Variants in TSPAN9 observed in about 807,000 individuals in gnomAD.
The protein encoded by TSPAN9 is tetraspanin 9.
Under a neutral mutation model 31.0 loss-of-function variants are expected in TSPAN9, and 16 were observed. The observed-to-expected ratio is 0.52, with a 90% CI of 0.35 to 0.78. TSPAN9 has a LOEUF of 0.78. TSPAN9 is among the 30% of genes least tolerant of loss of function. The pLI is 0.01. For synonymous variants in TSPAN9, 145 were observed against 121.6 expected (o/e 1.19, Z -1.27); for missense variants, 272 against 312.5 (o/e 0.87, Z 0.98).
chr12:3,200,772 G>A (rs1011064872), intron 2 of TSPAN9: 3 of 154,508 alleles, frequency 1.9e-5, no homozygotes, highest in Non-Finnish European at 4.3e-5. Flanking sequence ...TGGGCGCGGG[G>A]TTCGGCCGCG....
intron 8 of TSPAN9, 30 bp from the exon 9 acceptor site, chr12:3,283,015 C>T (rs1408947651): frequency 5.6e-6 from 9 of 1,604,458 alleles, no homozygotes; most frequent in Non-Finnish European, 7.6e-6. Context: ...GCTGCAGCTC[C>T]TGCCTCAGGC....
intron 1 of TSPAN9, among the ~76,000 whole-genome samples, chr12:3,078,230 G>A (rs1422557048): frequency 6.6e-6 from 1 of 152,070 alleles, no homozygotes; most frequent in Non-Finnish European, 1.5e-5. Context: ...CCAAAACGGG[G>A]GGTAAGAAGG....
chr12:3,095,324 C>T (rs1374189671), intron 2 of TSPAN9, among the ~76,000 whole-genome samples: 1 of 149,916 alleles, frequency 6.7e-6, no homozygotes, highest in Non-Finnish European at 1.5e-5. Flanking sequence ...CCCACCTTTC[C>T]CGCCTTTCTA....
chr12:3,180,544 C>T (rs1179960355), intron 2 of TSPAN9, among the ~76,000 whole-genome samples: 1 of 151,742 alleles, frequency 6.6e-6, no homozygotes, highest in East Asian at 1.9e-4. Context: ...GGGTCACAGC[C>T]TGCAGTTTGA....
intron 2 of TSPAN9, among the ~76,000 whole-genome samples, chr12:3,135,224 C>G (rs1354256104): frequency 6.6e-6 from 1 of 152,162 alleles, no homozygotes; most frequent in Non-Finnish European, 1.5e-5. Context: ...GCTGGTACCA[C>G]TGATGCACTC....
chr12:3,114,646 C>T (rs2098321206), intron 2 of TSPAN9, among the ~76,000 whole-genome samples: 1 of 151,984 alleles, frequency 6.6e-6, no homozygotes, highest in Non-Finnish European at 1.5e-5. Context: ...AGTTCGAGAC[C>T]AGCCTGGCCA....
intron 2 of TSPAN9, among the ~76,000 whole-genome samples, chr12:3,176,325 G>A (rs922040953): frequency 2.6e-5 from 4 of 152,180 alleles, no homozygotes; most frequent in African/African-American, 4.8e-5. Flanking sequence ...AGCCTTCATG[G>A]AGAAAACTGA....
Position 3,125,475 on chromosome 12 carries a change from T to C in TSPAN9, c.-18+41756T>C, listed in dbSNP as rs7299113. 1.5e-3 allele frequency among the ~76,000 whole-genome samples: 230 copies of C among 152,324 alleles called. 1 individual carries two copies. The highest frequency in any genetic ancestry group is 5.3e-3 in the African/African-American group (220 of 41,580). On this transcript the variant is annotated intron_variant, in intron 2 of 8. Transcript: ENST00000011898. ...CCCGCAGTTTTCTCCCTTAATTGGA[T>C]GTAAATTTACAACTAAATAATTATT...
chr12:3,279,042 C>G lies in TSPAN9; in HGVS notation c.306C>G (p.Ile102Met). ...VILLAELILL[I>M]LFFVYMDKVN... ...TCCTAGCAGAGCTGATCTTACTCAT[C>G]CTCTTCTTTGTCTACATGGACAAGG... Residue 102 changes from isoleucine to methionine, a missense_variant, in exon 5 of 9, where the codon ATC becomes ATG. Ile to Met is a conservative substitution (Grantham distance 10). Transcript: ENST00000011898. 1 of 1,614,202 alleles carries G rather than the reference C, an allele frequency of 6.2e-7. No homozygotes were observed. The highest frequency in any genetic ancestry group is 8.5e-7 in the Non-Finnish European group (1 of 1,180,034).
At chr12:3,090,966 G>A (rs533857200) in intron 2 of TSPAN9, among the ~76,000 whole-genome samples, 2 of 152,224 alleles carry the variant, frequency 1.3e-5, no homozygotes, top group Non-Finnish European at 2.9e-5. Flanking sequence ...GTGTGCACGC[G>A]GCTAGCGCTG....
chr12:3,246,068 A>G lies in TSPAN9; in HGVS notation c.64-32353A>G, dbSNP rs1336640756. Among the ~76,000 whole-genome samples, 4 of 151,860 alleles carry G rather than the reference A, an allele frequency of 2.6e-5. No homozygotes were observed. In the East Asian group the frequency reaches 6.0e-4, roughly 23 times the overall value. ...TCATGTTTCTGTAGGCTGTACAGGA[A>G]GCATGGTGCCGGCATCTGCTTGGCT... On this transcript the variant is annotated intron_variant, in intron 3 of 8. Coordinates refer to ENST00000011898, the MANE Select transcript of TSPAN9 (RefSeq NM_006675.5).
At chr12:3,184,461 A>G (rs189268063) in intron 2 of TSPAN9, among the ~76,000 whole-genome samples, 2 of 152,136 alleles carry the variant, frequency 1.3e-5, no homozygotes, top group East Asian at 3.9e-4. Context: ...GAGAAAGAGA[A>G]AAAAAAGAAA....
chr12:3,098,166 G>A (rs1333795495), intron 2 of TSPAN9, among the ~76,000 whole-genome samples: 2 of 152,230 alleles, frequency 1.3e-5, no homozygotes, highest in African/African-American at 2.4e-5. Flanking sequence ...GTCATTTCTT[G>A]GTGCCTCAGA....
chr12:3,114,314 T>C (rs144463099), intron 2 of TSPAN9, among the ~76,000 whole-genome samples: 9 of 152,324 alleles, frequency 5.9e-5, no homozygotes, highest in African/African-American at 1.4e-4. Context: ...TGATTTTTTT[T>C]CAACCTTATA....
At chr12:3,242,815 A>G (rs1049057267) in intron 3 of TSPAN9, among the ~76,000 whole-genome samples, 3 of 152,192 alleles carry the variant, frequency 2.0e-5, no homozygotes, top group African/African-American at 7.2e-5. Context: ...ACTCATGTCT[A>G]TTCTGGTTTC....
intron 2 of TSPAN9, among the ~76,000 whole-genome samples, chr12:3,198,501 G>C (rs1591671875): frequency 2.0e-5 from 2 of 98,148 alleles, no homozygotes; most frequent in African/African-American, 9.2e-5. Flanking sequence ...ACCAGCACAG[G>C]CCACCACCAG....
chr12:3,238,319 C>T lies in TSPAN9; in HGVS notation c.63+37063C>T, dbSNP rs574146216. On this transcript the variant is annotated intron_variant, in intron 3 of 8. Coordinates refer to ENST00000011898, the MANE Select transcript of TSPAN9 (RefSeq NM_006675.5). ...ACTTTGACCTGGCTGGCATGACAGGCGCCCTCCCTGTGCATCTCTCAAAGT... is the reference window on the plus strand; with the variant it reads ...ACTTTGACCTGGCTGGCATGACAGGTGCCCTCCCTGTGCATCTCTCAAAGT... 1.1e-4 allele frequency among the ~76,000 whole-genome samples: 16 copies of T among 152,348 alleles called. No individual in the cohort carries two copies. In the South Asian group the frequency reaches 2.3e-3, roughly 22 times the overall value.
chr12:3,253,941 G>A (rs1268073631), intron 3 of TSPAN9, among the ~76,000 whole-genome samples: 1 of 152,244 alleles, frequency 6.6e-6, no homozygotes, highest in Non-Finnish European at 1.5e-5. Context: ...GAGGTCCAGG[G>A]TGGAGCCTGT....
rs569623416 is a variant in TSPAN9 at position 3,283,388 on chromosome 12, G to T, written c.*272G>T. The T allele has an allele frequency of 3.6e-5, 15 of 412,268 alleles. No homozygotes were observed. The highest frequency in any genetic ancestry group is 6.5e-5 in the Non-Finnish European group (15 of 231,036). 25.5% of individuals were successfully genotyped at this position (412,268 alleles called of 1,614,324 possible). A position where few individuals can be genotyped will look rare whatever the true frequency, so the allele number is the denominator to read the frequency against. On this transcript the variant is annotated 3_prime_UTR_variant, in exon 9 of 9. Transcript: ENST00000011898. ...AAGACGACAGGGTGGGCTGGGGTGC[G>T]CTCCGGAGGAACCCCCGGCACTGAT... is the stretch of plus-strand genomic sequence containing the variant.
Sources: gnomAD v4.1 joint callset for allele counts (sites outside exome capture counted in the v4.1 genomes callset) on GRCh38, gnomAD v4.1.1 for gene constraint, MANE v1.5 for transcripts, NCBI Gene and HGNC (gene_info 2026-07-23, HGNC 2026-07-21) for gene names.